Variants in GSK3B observed in about 807,000 individuals in gnomAD.
GSK3B encodes the protein glycogen synthase kinase 3 beta.
Under a neutral mutation model 56.4 loss-of-function variants are expected in GSK3B, and 15 were observed. The ratio of observed to expected loss-of-function variants is 0.27; its 90% CI spans 0.18 to 0.41. GSK3B has a LOEUF of 0.41. Among genes scored for constraint, GSK3B ranks in the 10% least tolerant of loss-of-function variants. GSK3B has a pLI of 1.00. For missense variants in GSK3B, 300 were observed against 513.4 expected (o/e 0.58, Z 4.02); for synonymous variants, 181 against 188.9 (o/e 0.96, Z 0.34).
chr3:119,886,860 C>G lies in GSK3B; in HGVS notation c.814-10352G>C, dbSNP rs146497352. On this transcript the variant is annotated intron_variant, in intron 7 of 10. Transcript: ENST00000264235. Reference sequence around the variant, plus strand: ...AGACGGCAATAATACAAACTGAGGACAACCAGAGCAGGAAAGAAGGCTGCA... The same window carrying G: ...AGACGGCAATAATACAAACTGAGGAGAACCAGAGCAGGAAAGAAGGCTGCA... Among the ~76,000 whole-genome samples the G allele has an allele frequency of 8.5e-4, 130 of 152,114 alleles. 1 individual carries two copies. The highest frequency in any genetic ancestry group is 2.8e-3 in the African/African-American group (115 of 41,516).
intron 3 of GSK3B, among the ~76,000 whole-genome samples, chr3:119,941,103 C>T (rs1254448651): frequency 1.3e-5 from 2 of 151,214 alleles, no homozygotes; most frequent in African/African-American, 4.9e-5. Flanking sequence ...GCAACCTCTG[C>T]CTCCTGGGTT....
Position 119,942,032 on chromosome 3 carries a change from C to T in GSK3B, c.366+5236G>A, listed in dbSNP as rs779757217. ...CTGATCCCAGATGCAGTGGTACAATCCTCCCCTTCTGGATACAGGCCCCCA... is the reference window on the plus strand; with the variant it reads ...CTGATCCCAGATGCAGTGGTACAATTCTCCCCTTCTGGATACAGGCCCCCA... On this transcript the variant is annotated intron_variant, in intron 3 of 10. Transcript: ENST00000264235. Among the ~76,000 whole-genome samples the T allele has an allele frequency of 1.1e-3, 160 of 152,306 alleles. 1 individual carries two copies. The highest frequency in any genetic ancestry group is 0.01 in the Middle Eastern group (3 of 294).
chr3:119,881,787 T>C lies in GSK3B; in HGVS notation c.814-5279A>G, dbSNP rs559047155. Among the ~76,000 whole-genome samples, 107 of 152,220 alleles carry C rather than the reference T, an allele frequency of 7.0e-4. 1 individual carries two copies. The highest frequency in any genetic ancestry group is 1.4e-3 in the Non-Finnish European group (95 of 68,042). ...TTGTAGCTCCCCTATTTCCCTCATG[T>C]CATGGGAGGGACCCAGTGGGAGATA... On this transcript the variant is annotated intron_variant, in intron 7 of 10. Transcript: ENST00000264235.
chr3:119,836,375 G>C (rs1055125215), intron 10 of GSK3B, among the ~76,000 whole-genome samples: 1 of 152,132 alleles, frequency 6.6e-6, no homozygotes, highest in East Asian at 1.9e-4. Flanking sequence ...CCTTCTGTTA[G>C]AAGGGTTTTC....
intron 1 of GSK3B, among the ~76,000 whole-genome samples, chr3:120,046,615 T>G (rs957045872): frequency 6.6e-5 from 10 of 152,138 alleles, no homozygotes; most frequent in Non-Finnish European, 1.3e-4. Context: ...TTTTATTTAT[T>G]TATTTATTTT....
chr3:119,986,565 AAC>A (rs1318790707), intron 2 of GSK3B, among the ~76,000 whole-genome samples: 1 of 152,158 alleles, frequency 6.6e-6, no homozygotes, highest in Non-Finnish European at 1.5e-5. Flanking sequence ...CTATGCAGCC[AAC>A]AGACACACGA....
At chr3:120,080,048 A>G (rs1442922892) in intron 1 of GSK3B, among the ~76,000 whole-genome samples, 4 of 152,190 alleles carry the variant, frequency 2.6e-5, no homozygotes, top group Admixed American at 2.6e-4. Flanking sequence ...CAATCCCAGC[A>G]CTTTGAGAGA....
chr3:119,940,106 G>A (rs2057033126), intron 3 of GSK3B, among the ~76,000 whole-genome samples: 1 of 131,572 alleles, frequency 7.6e-6, no homozygotes, highest in South Asian at 2.4e-4. Context: ...GTGTGTGTGT[G>A]TGTTTGTGTG....
At chr3:119,993,500 C>T (rs1355465891) in intron 2 of GSK3B, among the ~76,000 whole-genome samples, 1 of 151,764 alleles carries the variant, frequency 6.6e-6, no homozygotes, top group Non-Finnish European at 1.5e-5. Flanking sequence ...ATATAAAATC[C>T]ATATGCCTTT....
chr3:119,978,778 AG>A (rs1267304913), intron 2 of GSK3B, among the ~76,000 whole-genome samples: 4 of 152,206 alleles, frequency 2.6e-5, no homozygotes, highest in African/African-American at 9.7e-5. Flanking sequence ...CCAACTGGTA[AG>A]ATCTGCCGTC....
intron 2 of GSK3B, among the ~76,000 whole-genome samples, chr3:119,967,743 G>GTCCCC (rs569108163): frequency 2.7e-5 from 4 of 149,016 alleles, no homozygotes; most frequent in African/African-American, 5.0e-5. Context: ...CTCCCGTCCC[G>GTCCCC]TCCCCTCCCC....
intron 2 of GSK3B, among the ~76,000 whole-genome samples, chr3:119,980,222 C>T (rs1347879580): frequency 6.6e-6 from 1 of 152,144 alleles, no homozygotes; most frequent in East Asian, 1.9e-4. Context: ...TTAAAAGTTG[C>T]CAGCATACCT....
At chr3:119,858,094 C>T (rs568948852) in intron 9 of GSK3B, among the ~76,000 whole-genome samples, 2 of 152,174 alleles carry the variant, frequency 1.3e-5, no homozygotes, top group Non-Finnish European at 2.9e-5. Context: ...TTATAGAGCA[C>T]AAGAAGAGTA....
At position 119,845,510 on chromosome 3, in the gene GSK3B, T is replaced by C. The variant is rs2055842699; in HGVS notation, c.1097-2157A>G. Among the ~76,000 whole-genome samples, 2 of 152,184 alleles carry C rather than the reference T, an allele frequency of 1.3e-5. 1 individual carries two copies. The highest frequency in any genetic ancestry group is 4.1e-4 in the South Asian group (2 of 4,824). ...ATCTCAAAAATCACAAACATTCTTA[T>C]ACACCAATAACAGACAGAGAGCCAA... is the stretch of plus-strand genomic sequence containing the variant. On this transcript the variant is annotated intron_variant, in intron 9 of 10. Transcript: ENST00000264235.
chr3:119,863,120 A>C (rs2056130225), intron 9 of GSK3B, among the ~76,000 whole-genome samples: 1 of 152,202 alleles, frequency 6.6e-6, no homozygotes, highest in Non-Finnish European at 1.5e-5. Flanking sequence ...TAAATTGTAC[A>C]TTTGTCCAAT....
At chr3:119,875,024 G>A (rs180911031) in intron 8 of GSK3B, among the ~76,000 whole-genome samples, 1,694 of 152,126 alleles carry the variant, frequency 0.011, 18 homozygotes, top group Non-Finnish European at 0.016. Flanking sequence ...TTTAAAATAA[G>A]CCTTGAATAC....
chr3:120,022,492 T>A (rs2057888106), intron 1 of GSK3B, among the ~76,000 whole-genome samples: 1 of 152,206 alleles, frequency 6.6e-6, no homozygotes, highest in Non-Finnish European at 1.5e-5. Flanking sequence ...AAATCCATAT[T>A]GGTTTTTGTA....
At chr3:119,865,768 C>G (rs2056175406) in intron 8 of GSK3B, among the ~76,000 whole-genome samples, 1 of 151,930 alleles carries the variant, frequency 6.6e-6, no homozygotes, top group Non-Finnish European at 1.5e-5. Context: ...CGTGCCCGGC[C>G]TATTTCCAGT....
chr3:120,011,248 A>C (rs1306929648), intron 1 of GSK3B, among the ~76,000 whole-genome samples: 3 of 152,198 alleles, frequency 2.0e-5, no homozygotes, highest in Non-Finnish European at 4.4e-5. Flanking sequence ...GAACTTAAGC[A>C]ATATAAGCAT....
Sources: gnomAD v4.1 joint callset for allele counts (sites outside exome capture counted in the v4.1 genomes callset) on GRCh38, gnomAD v4.1.1 for gene constraint, MANE v1.5 for transcripts, NCBI Gene and HGNC (gene_info 2026-07-23, HGNC 2026-07-21) for gene names.